COL13A1: variants seen among roughly 807,000 people sequenced by gnomAD.
COL13A1 encodes the protein collagen type XIII alpha 1 chain.
COL13A1 carries 89 observed loss-of-function variants against 130.9 expected under a neutral mutation model. The observed-to-expected ratio is 0.68, with a 90% CI of 0.57 to 0.81. COL13A1 has a LOEUF of 0.81. COL13A1 is among the 30% of genes least tolerant of loss of function. The pLI is 0.00. For synonymous variants in COL13A1, 402 were observed against 341.6 expected (o/e 1.18, Z -1.95); for missense variants, 879 against 934.6 (o/e 0.94, Z 0.78).
At chr10:69,890,081 T>A (rs773127967) in intron 10 of COL13A1, among the ~76,000 whole-genome samples, 22 of 152,126 alleles carry the variant, frequency 1.4e-4, no homozygotes, top group Non-Finnish European at 1.0e-4. Flanking sequence ...CCCAGATGGA[T>A]CTGCCCAGGG....
At chr10:69,830,585 A>G (rs1053023820) in intron 2 of COL13A1, among the ~76,000 whole-genome samples, 2 of 145,604 alleles carry the variant, frequency 1.4e-5, no homozygotes, top group Non-Finnish European at 3.0e-5. Flanking sequence ...GTAAACACGT[A>G]AAGAAATGAT....
intron 10 of COL13A1, among the ~76,000 whole-genome samples, chr10:69,890,229 G>A (rs767750760): frequency 2.6e-5 from 4 of 152,192 alleles, no homozygotes; most frequent in Non-Finnish European, 4.4e-5. Flanking sequence ...GGAATGAGGG[G>A]CTGCGCACTC....
chr10:69,936,086 AGGGAAGGAGGGAAGGG>A (rs2066808810), intron 32 of COL13A1, among the ~76,000 whole-genome samples: 1 of 103,416 alleles, frequency 9.7e-6, no homozygotes, highest in East Asian at 3.5e-4. Context: ...GGAGGGAGGG[AGGGAAGGAGGGAAGGG>A]AGGAAGGAAG....
Position 69,802,528 on chromosome 10 carries a change from C to A in COL13A1, c.105C>A (p.Arg35=), listed in dbSNP as rs753856604. The A allele has an allele frequency of 7.0e-6, 11 of 1,579,786 alleles. No homozygotes were observed. Among genetic ancestry groups the A allele is most frequent in the Non-Finnish European group, 9.4e-6 (11 of 1,166,516 alleles). The part of the protein sequence containing the change: ...TVALVAARAE[R]GARLPSPGSC... ...CTCTGGTGGCGGCGCGGGCGGAGCG[C>A]GGCGCACGGCTGCCGAGTCCAGGGT... is the stretch of plus-strand genomic sequence containing the variant. Residue 35 remains arginine (R), a synonymous_variant, in exon 1 of 41, where the codon CGC becomes CGA. Coordinates refer to ENST00000645393, the MANE Select transcript of COL13A1 (RefSeq NM_001368882.1).
intron 20 of COL13A1, 102 bp downstream of exon 20, chr10:69,919,190 C>A: frequency 6.7e-7 from 1 of 1,491,586 alleles, no homozygotes; most frequent in Non-Finnish European, 9.3e-7. Context: ...CTGAGGCTGG[C>A]CTGGGACTGG....
At chr10:69,901,129 T>C (rs541054616) in intron 14 of COL13A1, among the ~76,000 whole-genome samples, 21 of 152,310 alleles carry the variant, frequency 1.4e-4, no homozygotes, top group African/African-American at 5.1e-4. Flanking sequence ...GTGAAGCCTT[T>C]CTTGGTTCAG....
At chr10:69,937,781 G>C in intron 34 of COL13A1, 66 bp downstream of exon 34, 1 of 758,698 alleles carries the variant, frequency 1.3e-6, no homozygotes, top group Admixed American at 2.1e-5. Flanking sequence ...TGGGACTGGG[G>C]GACAGCCAGC....
chr10:69,910,340 C>T (rs900117001), intron 17 of COL13A1, among the ~76,000 whole-genome samples: 18 of 151,992 alleles, frequency 1.2e-4, no homozygotes, highest in African/African-American at 4.4e-4. Flanking sequence ...CATGTGACTG[C>T]CTCTTGAGGT....
chr10:69,810,523 C>T (rs996776617), intron 1 of COL13A1, among the ~76,000 whole-genome samples: 3 of 152,146 alleles, frequency 2.0e-5, no homozygotes, highest in African/African-American at 7.2e-5. Flanking sequence ...TCTCCGTGTG[C>T]ACTGGGAGGT....
intron 7 of COL13A1, among the ~76,000 whole-genome samples, chr10:69,883,932 G>A (rs1442856047): frequency 6.6e-6 from 1 of 152,216 alleles, no homozygotes; most frequent in East Asian, 1.9e-4. Flanking sequence ...GGGCTGGCCA[G>A]GAGGGCTAGA....
At position 69,880,567 on chromosome 10, in the gene COL13A1, G is replaced by C. The variant is rs773024878; in HGVS notation, c.513+14G>C. The C allele has an allele frequency of 2.1e-5, 34 of 1,612,666 alleles. No homozygotes were observed. Among genetic ancestry groups the C allele is most frequent in the Non-Finnish European group, 2.8e-5 (33 of 1,179,668 alleles). ...CGCGGCCCCCCTGTAAGTTGTTTTT[G>C]CTCTTCCTCGGGGTGTTGGGGGGAT... On this transcript the variant is annotated intron_variant, in intron 7 of 40. Transcript: ENST00000645393.
intron 13 of COL13A1, among the ~76,000 whole-genome samples, chr10:69,897,034 G>C (rs1352930496): frequency 6.6e-6 from 1 of 152,206 alleles, no homozygotes; most frequent in Non-Finnish European, 1.5e-5. Context: ...GGGGTGGGGT[G>C]GGGGCAGGGC....
chr10:69,888,766 C>T (rs10999014), intron 9 of COL13A1, among the ~76,000 whole-genome samples: 24,146 of 152,204 alleles, frequency 0.16, 2,015 homozygotes, highest in Middle Eastern at 0.27. Context: ...AGACCCCACA[C>T]GTGTGCTCAA....
intron 2 of COL13A1, among the ~76,000 whole-genome samples, chr10:69,866,638 C>G (rs980316231): frequency 6.7e-6 from 1 of 148,822 alleles, no homozygotes; most frequent in Non-Finnish European, 1.5e-5. Flanking sequence ...GGCTTGCTCA[C>G]CCAGGCTCTA....
chr10:69,900,239 A>G (rs1486385753), intron 14 of COL13A1, among the ~76,000 whole-genome samples: 33 of 152,106 alleles, frequency 2.2e-4, no homozygotes, highest in Admixed American at 2.2e-3. Flanking sequence ...GCGACCTCCC[A>G]GCCTTAGGTG....
intron 1 of COL13A1, among the ~76,000 whole-genome samples, chr10:69,803,822 C>T (rs991482766): frequency 1.2e-4 from 19 of 152,148 alleles, no homozygotes; most frequent in African/African-American, 4.6e-4. Flanking sequence ...CGAAACAGTG[C>T]TGATGTAGCA....
At chr10:69,879,931 A>G (rs2059960323) in intron 6 of COL13A1, among the ~76,000 whole-genome samples, 2 of 152,148 alleles carry the variant, frequency 1.3e-5, no homozygotes, top group South Asian at 4.2e-4. Context: ...GAGTTCACAC[A>G]GCACGCATGT....
At chr10:69,917,976 C>G (rs898233108) in intron 18 of COL13A1, among the ~76,000 whole-genome samples, 6 of 152,146 alleles carry the variant, frequency 3.9e-5, no homozygotes, top group African/African-American at 1.4e-4. Flanking sequence ...CAGGGACCCC[C>G]TCCCAGCCCC....
intron 2 of COL13A1, among the ~76,000 whole-genome samples, chr10:69,825,988 G>T (rs1430371691): frequency 6.6e-6 from 1 of 152,230 alleles, no homozygotes; most frequent in East Asian, 1.9e-4. Context: ...GCTGCCAGAA[G>T]TTCAGAGGAA....
Sources: gnomAD v4.1 joint callset for allele counts (sites outside exome capture counted in the v4.1 genomes callset) on GRCh38, gnomAD v4.1.1 for gene constraint, MANE v1.5 for transcripts, NCBI Gene and HGNC (gene_info 2026-07-23, HGNC 2026-07-21) for gene names.